The following PNPLA6 variants were observed in gnomAD, a reference collection of about 807,000 sequenced individuals.
PNPLA6 encodes patatin-like phospholipase domain-containing protein 6.
Under a neutral mutation model 153.7 loss-of-function variants are expected in PNPLA6, and 105 were observed. The observed-to-expected ratio is 0.68, with a 90% CI of 0.58 to 0.80. The LOEUF is 0.80. PNPLA6 is among the 30% of genes least tolerant of loss of function. The pLI, the probability that PNPLA6 is intolerant of heterozygous loss-of-function variation, is 0.00. For missense variants in PNPLA6, 1,423 were observed against 1,919.3 expected (o/e 0.74, Z 4.83); for synonymous variants, 825 against 822.2 (o/e 1.00, Z -0.06).
intron 13 of PNPLA6, among the ~76,000 whole-genome samples, chr19:7,545,045 GAGAC>G (rs2023326619): frequency 6.6e-6 from 1 of 150,756 alleles, no homozygotes; most frequent in African/African-American, 2.4e-5. Flanking sequence ...TTTTTTTTCG[GAGAC>G]GGAGTCTTGC....
chr19:7,548,894 C>T (rs2023513202), intron 13 of PNPLA6, among the ~76,000 whole-genome samples: 1 of 149,822 alleles, frequency 6.7e-6, no homozygotes, highest in African/African-American at 2.4e-5. Context: ...GCTCCTCCTC[C>T]CGGGTTCACG....
intron 13 of PNPLA6, among the ~76,000 whole-genome samples, chr19:7,547,589 G>A (rs1253151799): frequency 6.6e-6 from 1 of 150,610 alleles, no homozygotes; most frequent in South Asian, 2.1e-4. Flanking sequence ...CGATCCTTCT[G>A]CCTTGGCCTC....
At chr19:7,548,829 G>C (rs2023509106) in intron 13 of PNPLA6, among the ~76,000 whole-genome samples, 1 of 142,914 alleles carries the variant, frequency 7.0e-6, no homozygotes, top group Non-Finnish European at 1.5e-5. Flanking sequence ...TTGAGACGGA[G>C]TCTCGCTCAG....
intron 27 of PNPLA6, chr19:7,557,557 G>A: frequency 2.1e-6 from 1 of 478,136 alleles, no homozygotes; most frequent in Non-Finnish European, 4.0e-6. Flanking sequence ...CCTGAGGTGG[G>A]TGGATCACCT....
At chr19:7,544,597 CG>C (rs2146068665) in intron 13 of PNPLA6, among the ~76,000 whole-genome samples, 1 of 152,136 alleles carries the variant, frequency 6.6e-6, no homozygotes, top group South Asian at 2.1e-4. Flanking sequence ...TTATAGGGAG[CG>C]GGGGCTTGAG....
rs780586050 is a variant in PNPLA6 at position 7,542,894 on chromosome 19, C to A, written c.1496C>A (p.Ala499Glu). ...GRQTSSIFEA[A>E]KQELAKLMRI... ...CAGACCAGCAGCATCTTCGAGGCAG[C>A]AAAGCAGGAGCTGGCCAAGCTGATG... Residue 499 changes from alanine (A) to glutamate (E), a missense_variant, in exon 12 of 32, where the codon GCA (alanine) becomes GAA (glutamate). Transcript: ENST00000600737. The A allele has an allele frequency of 1.2e-6, 2 of 1,613,486 alleles. No individual in the cohort carries two copies. Among genetic ancestry groups the A allele is most frequent in the Non-Finnish European group, 1.7e-6 (2 of 1,179,896 alleles).
intron 14 of PNPLA6, 29 bp from the exon 15 acceptor site, chr19:7,550,269 C>T (rs924901254): frequency 1.1e-5 from 18 of 1,612,788 alleles, no homozygotes; most frequent in Non-Finnish European, 1.4e-5. Flanking sequence ...TTGAGGCCTT[C>T]CTCTTTCATC....
At position 7,550,199 on chromosome 19, in the gene PNPLA6, T is replaced by A. The variant is rs551194603; in HGVS notation, c.1814+87T>A. ...CCAGAACCCCATCCCTCAACCTCAC[T>A]CCTGGAAGAGCAGAAGGGAGCCCCC... is the stretch of plus-strand genomic sequence containing the variant. On this transcript the variant is annotated intron_variant, in intron 14 of 31. Transcript: ENST00000600737. The A allele has an allele frequency of 4.4e-4, 702 of 1,609,584 alleles. 11 individuals carry two copies. In the South Asian group the frequency reaches 7.4e-3, roughly 17 times the overall value.
intron 28 of PNPLA6, 200 bp from the exon 29 acceptor site, chr19:7,560,448 T>G: frequency 1.6e-6 from 1 of 634,332 alleles, no homozygotes; most frequent in East Asian, 2.9e-5. Context: ...CATGGAGAGA[T>G]TGATTGGTAA....
chr19:7,549,767 G>A (rs1250481067), intron 13 of PNPLA6, 140 bp from the exon 14 acceptor site: 7 of 823,296 alleles, frequency 8.5e-6, no homozygotes, highest in African/African-American at 1.7e-5. Flanking sequence ...GATTACAGCC[G>A]TGAGCCACCG....
At chr19:7,549,260 C>T (rs1229654895) in intron 13 of PNPLA6, among the ~76,000 whole-genome samples, 1 of 148,942 alleles carries the variant, frequency 6.7e-6, no homozygotes, top group Non-Finnish European at 1.5e-5. Context: ...GATCTTGGCT[C>T]ATTGCAAGCT....
Position 7,540,558 on chromosome 19 carries a change from G to A in PNPLA6, c.715-72G>A. The A allele has an allele frequency of 8.1e-7, 1 of 1,241,908 alleles. No individual in the cohort carries two copies. Among genetic ancestry groups the A allele is most frequent in the Non-Finnish European group, 1.2e-6 (1 of 840,588 alleles). The allele number at this position is 1,241,908 out of a possible 1,614,324, so 76.9% of individuals were successfully genotyped here. A position where few individuals can be genotyped will look rare whatever the true frequency, so the allele number is the denominator to read the frequency against. ...GGATGAGAAGTGTCAGTGATCATTGGGATGGATGAGGGGGCGACATGCCAG... is the reference window on the plus strand; with the variant it reads ...GGATGAGAAGTGTCAGTGATCATTGAGATGGATGAGGGGGCGACATGCCAG... On this transcript the variant is annotated intron_variant, in intron 5 of 31. Transcript: ENST00000600737. This position sits in a 1 kb window ranked among gnomAD's most constrained non-coding sequence, Gnocchi z 6.8.
intron 13 of PNPLA6, among the ~76,000 whole-genome samples, chr19:7,546,427 G>A (rs1220744528): frequency 6.6e-6 from 1 of 152,092 alleles, no homozygotes; most frequent in African/African-American, 2.4e-5. Flanking sequence ...CCAGGAGTTC[G>A]AGACCAGCCT....
rs1240624512 is a variant in PNPLA6 at position 7,540,237 on chromosome 19, C to A, written c.643C>A (p.Arg215=). The A allele has an allele frequency of 1.2e-6, 2 of 1,609,404 alleles. No individual in the cohort carries two copies. The highest frequency in any genetic ancestry group is 1.7e-6 in the Non-Finnish European group (2 of 1,179,988). Residue 215 remains arginine, a synonymous_variant, in exon 5 of 32, where the codon CGG becomes AGG. Transcript: ENST00000600737. The surrounding 1 kb of genome is among the most constrained non-coding windows in gnomAD (Gnocchi z 6.8). ...GCTGGGCCAGGGTGACTACGTCTTC[C>A]GGCCGGGCCAGCCAGATGCCAGCAT... The part of the protein sequence containing the change: ...QRLGQGDYVF[R]PGQPDASIYV...
In PNPLA6 at chr19:7,561,660, T is replaced by C; in HGVS notation, c.*98T>C. On this transcript the variant is annotated 3_prime_UTR_variant, in exon 32 of 32. Coordinates refer to ENST00000600737, the MANE Select transcript of PNPLA6 (RefSeq NM_001166114.2). The stretch of plus-strand genomic sequence containing the variant: ...ACTCCCCCTCCTGCTGCTATGCCTG[T>C]GACCCCCGCGGCCCACACACTGGAC... 1.2e-6 allele frequency: 1 copy of C among 850,782 alleles called. No homozygotes were observed. Among genetic ancestry groups the C allele is most frequent in the Non-Finnish European group, 1.9e-6 (1 of 520,592 alleles). 52.7% of individuals were successfully genotyped at this position (850,782 alleles called of 1,614,324 possible). A position where few individuals can be genotyped will look rare whatever the true frequency, so the allele number is the denominator to read the frequency against.
chr19:7,545,909 CAA>C (rs554820974), intron 13 of PNPLA6, among the ~76,000 whole-genome samples: 7 of 100,488 alleles, frequency 7.0e-5, no homozygotes, highest in Non-Finnish European at 7.6e-5. Context: ...GACCCTGTCT[CAA>C]AAAAAAAAAA....
Position 7,554,665 on chromosome 19 carries a change from G to A in PNPLA6, c.2576G>A (p.Arg859Gln), listed in dbSNP as rs1263335402. 6.2e-7 allele frequency: 1 copy of A among 1,613,922 alleles called. No individual in the cohort carries two copies. Among genetic ancestry groups the A allele is most frequent in the Non-Finnish European group, 8.5e-7 (1 of 1,179,994 alleles). The change falls in exon 21 of 32, where the codon CGA (arginine) becomes CAA (glutamine). Residue 859 changes from arginine to glutamine, a missense_variant. Around this residue, in one of 10 missense-constraint regions of PNPLA6, gnomAD observed 643 missense variants for 835.2 expected, o/e 0.77. Transcript: ENST00000600737. ...ACGCCCTGGACCGTGCGCTGCCTGC[G>A]ACAGGCCGACTGCATCCTCATTGTG... ...SLTPWTVRCL[R>Q]QADCILIVGL...
intron 29 of PNPLA6, 52 bp downstream of exon 29, chr19:7,560,816 C>A: frequency 1.6e-6 from 2 of 1,239,476 alleles, no homozygotes; most frequent in Non-Finnish European, 2.4e-6. Context: ...TTACAGAACC[C>A]AAGCCCCCTT....
At chr19:7,535,442 G>T (rs2022805480), upstream of PNPLA6, 2 of 1,158,314 alleles carry the variant, frequency 1.7e-6, no homozygotes, top group Non-Finnish European at 2.5e-6. The surrounding 1 kb of genome is among the most constrained non-coding windows in gnomAD (Gnocchi z 5.0). Context: ...GGCAGGGCTT[G>T]AGGCAGGGGA....
Sources: gnomAD v4.1 joint callset for allele counts (sites outside exome capture counted in the v4.1 genomes callset) on GRCh38, gnomAD v4.1.1 for gene constraint, gnomAD v4.1.1 regional missense constraint, Gnocchi (gnomAD v3.1) non-coding constraint, MANE v1.5 for transcripts, NCBI Gene and HGNC (gene_info 2026-07-23, HGNC 2026-07-21) for gene names.